Variants in FN3K observed in about 807,000 individuals in gnomAD.
The protein encoded by FN3K is fructosamine 3 kinase, also known as fructosamine-3-kinase.
Under a neutral mutation model 24.8 loss-of-function variants are expected in FN3K, and 24 were observed. The ratio of observed to expected loss-of-function variants is 0.97; its 90% confidence interval spans 0.70 to 1.36. The LOEUF is 1.36. Among genes scored for constraint, FN3K ranks in the 40% most tolerant of loss-of-function variants. The pLI, the probability that FN3K is intolerant of heterozygous loss-of-function variation, is 0.00. For missense variants in FN3K, 449 were observed against 416.7 expected, an observed-to-expected ratio of 1.08 and a Z score of -0.67; for synonymous variants, 192 against 175.2, an observed-to-expected ratio of 1.10 and a Z score of -0.76.
chr17:82,745,948 A>G (rs1026855198), intron 4 of FN3K, among the ~76,000 whole-genome samples: 33 of 151,832 alleles, frequency 2.2e-4, no homozygotes, highest in African/African-American at 7.7e-4. Flanking sequence ...CAAAAAATTA[A>G]CAGGGCATGG....
Position 82,735,760 on chromosome 17 carries a change from G to C in FN3K, c.124G>C (p.Val42Leu). The change falls in exon 1 of 6, where the codon GTC becomes CTC. Residue 42 changes from valine (V) to leucine (L), a missense_variant. Transcript: ENST00000300784. ...GGACGCAGGCCCAGTGTTCGTCAAA[G>C]TCAACCGCAGGACGCAGGTGCTGGC... The part of the protein sequence containing the change: ...DTDAGPVFVK[V>L]NRRTQARQMF... 1 of 1,564,266 alleles carries C rather than the reference G, an allele frequency of 6.4e-7. No individual in the cohort carries two copies. The highest frequency in any genetic ancestry group is 8.6e-7 in the Non-Finnish European group (1 of 1,156,408).
At chr17:82,741,736 C>T (rs2046942108) in intron 4 of FN3K, among the ~76,000 whole-genome samples, 1 of 152,170 alleles carries the variant, frequency 6.6e-6, no homozygotes, top group Non-Finnish European at 1.5e-5. Context: ...GCTGATTACT[C>T]AGCTCCTCTC....
chr17:82,738,772 C>T (rs931094555), intron 2 of FN3K, 132 bp downstream of exon 2: 15 of 1,152,902 alleles, frequency 1.3e-5, no homozygotes, highest in Middle Eastern at 2.5e-4. Flanking sequence ...GTGGCTGAGC[C>T]GTCCACACAA....
chr17:82,750,813 C>A lies in FN3K; in HGVS notation c.*58C>A. 1 of 1,340,166 alleles carries A rather than the reference C, an allele frequency of 7.5e-7. No homozygotes were observed. The highest frequency in any genetic ancestry group is 1.0e-6 in the Non-Finnish European group (1 of 992,912). The allele number at this position is 1,340,166 out of a possible 1,614,324, so 83.0% of individuals were successfully genotyped here. A position where few individuals can be genotyped will look rare whatever the true frequency, so the allele number is the denominator to read the frequency against. ...CCCGTCTCCGTCTCCCCGTCCCTGT[C>A]CCCCCGTCCCCCGTCCCTGTGCCCC... On this transcript the variant is annotated 3_prime_UTR_variant, in exon 6 of 6. Transcript: ENST00000300784.
rs566307037 is a variant in FN3K at position 82,747,525 on chromosome 17, C to T, written c.469-1330C>T. ...AAGAGATTCTCCTGCCTCAGCCTCCCGAGTAGCTGGGACTACAGGCATGCA... is the reference window on the plus strand; with the variant it reads ...AAGAGATTCTCCTGCCTCAGCCTCCTGAGTAGCTGGGACTACAGGCATGCA... On this transcript the variant is annotated intron_variant, in intron 4 of 5. Transcript: ENST00000300784. Among the ~76,000 whole-genome samples the T allele has an allele frequency of 6.1e-4, 93 of 152,232 alleles. 1 individual carries two copies. The highest frequency in any genetic ancestry group is 5.8e-4 in the African/African-American group (24 of 41,530).
At position 82,750,358 on chromosome 17, in the gene FN3K, G is replaced by T. The variant is rs1440764396; in HGVS notation, c.592-59G>T. 4.8e-6 allele frequency: 7 copies of T among 1,448,994 alleles called. No individual in the cohort carries two copies. In the East Asian group the frequency reaches 1.1e-4, roughly 24 times the overall value. The allele number at this position is 1,448,994 out of a possible 1,614,324, so 89.8% of individuals were successfully genotyped here. Reference sequence around the variant, plus strand: ...TGGGCTTTGCCTTATTTCCAAGAACGAGGTGATGAGACCGGGGCTCCCAGA... The same window carrying T: ...TGGGCTTTGCCTTATTTCCAAGAACTAGGTGATGAGACCGGGGCTCCCAGA... On this transcript the variant is annotated intron_variant, in intron 5 of 5. Coordinates refer to ENST00000300784, the MANE Select transcript of FN3K (RefSeq NM_022158.4).
rs563725346 is a variant in FN3K, at chr17:82,736,921, C to T, written c.141+1144C>T. 2.0e-5 allele frequency among the ~76,000 whole-genome samples: 3 copies of T among 152,176 alleles called. No homozygotes were observed. In the South Asian group the frequency reaches 6.2e-4, roughly 32 times the overall value. On this transcript the variant is annotated intron_variant, in intron 1 of 5. Transcript: ENST00000300784. ...GCTCTGCAGGGTGAGACCCCTCCTT[C>T]CCTCCCACCCCCACGAGGGGCCGGC...
chr17:82,750,779 G>GTCCCCGTCCCCGTCTCCGTC lies in FN3K; in HGVS notation c.*35_*54dup. 5.1e-6 allele frequency: 8 copies of GTCCCCGTCCCCGTCTCCGTC among 1,568,970 alleles called. No homozygotes were observed. The Admixed American group carries it at 5.1e-5, about 10-fold the overall frequency. On this transcript the variant is annotated 3_prime_UTR_variant, in exon 6 of 6. Transcript: ENST00000300784. ...AGCGGCCCCTGCCCTCCCTTCCCCT[G>GTCCCCGTCCCCGTCTCCGTC]TCCCCGTCCCCGTCTCCGTCTCCCC...
intron 2 of FN3K, among the ~76,000 whole-genome samples, chr17:82,740,420 C>CAAAAAAAAAA (rs71369031): frequency 1.4e-5 from 1 of 73,120 alleles, no homozygotes; most frequent in Non-Finnish European, 2.5e-5. Flanking sequence ...CCCATCTCTA[C>CAAAAAAAAAA]AAAAAAAAAA....
chr17:82,736,119 A>G (rs970448231), intron 1 of FN3K: 1 of 280,584 alleles, frequency 3.6e-6, no homozygotes, highest in Non-Finnish European at 6.8e-6. Context: ...AGTGGGAAAG[A>G]AGCAGAGACA....
At chr17:82,747,045 G>A (rs921906015) in intron 4 of FN3K, among the ~76,000 whole-genome samples, 2 of 151,848 alleles carry the variant, frequency 1.3e-5, no homozygotes, top group East Asian at 2.0e-4. Flanking sequence ...GGATGGTCTC[G>A]AACTCCTGAT....
chr17:82,736,138 C>T, intron 1 of FN3K: 1 of 261,456 alleles, frequency 3.8e-6, no homozygotes, highest in Non-Finnish European at 7.4e-6. Context: ...CATGGCTGGG[C>T]CCCTGGCAGG....
At chr17:82,745,981 C>G (rs866774739) in intron 4 of FN3K, among the ~76,000 whole-genome samples, 3 of 150,906 alleles carry the variant, frequency 2.0e-5, no homozygotes, top group Non-Finnish European at 4.4e-5. Flanking sequence ...GTAGTCCCAG[C>G]TACTTGGGAG....
chr17:82,744,838 C>G (rs1336518713), intron 4 of FN3K, among the ~76,000 whole-genome samples: 2 of 152,178 alleles, frequency 1.3e-5, no homozygotes, highest in African/African-American at 4.8e-5. Flanking sequence ...AAGTGCTGTG[C>G]TTTTAGATAT....
intron 2 of FN3K, among the ~76,000 whole-genome samples, chr17:82,739,415 A>T (rs2046927601): frequency 6.7e-6 from 1 of 149,984 alleles, no homozygotes; most frequent in Admixed American, 6.6e-5. Flanking sequence ...CAGCCTCGCG[A>T]GTGGCTGGGA....
At chr17:82,736,055 T>A (rs543593341) in intron 1 of FN3K, 1 of 420,456 alleles carries the variant, frequency 2.4e-6, no homozygotes, top group East Asian at 5.1e-5. Context: ...ATGTGAGGCT[T>A]GGGGTCCTTG....
intron 2 of FN3K, 42 bp from the exon 3 acceptor site, chr17:82,740,721 A>C: frequency 1.4e-6 from 2 of 1,380,120 alleles, no homozygotes. Flanking sequence ...GGTGTTATTT[A>C]TTATTTGTTA....
In FN3K at chr17:82,738,513, G is replaced by T; in HGVS notation, c.166G>T (p.Val56Leu). The T allele has an allele frequency of 1.2e-6, 2 of 1,611,846 alleles. No homozygotes were observed. Among genetic ancestry groups the T allele is most frequent in the Admixed American group, 3.3e-5 (2 of 59,960 alleles). ...TQARQMFEGE[V>L]ASLEALRSTG... is the part of the protein sequence containing the mutation. The stretch of plus-strand genomic sequence containing the variant: ...GGCCCGGCAGATGTTTGAGGGGGAG[G>T]TGGCCAGCCTGGAGGCCCTCAGGAG... Residue 56 changes from valine (V) to leucine (L), a missense_variant, in exon 2 of 6, where the codon GTG becomes TTG. Val to Leu is a conservative substitution (Grantham distance 32). Transcript: ENST00000300784.
At chr17:82,736,409 G>C (rs1426424818) in intron 1 of FN3K, 5 of 152,422 alleles carry the variant, frequency 3.3e-5, no homozygotes, top group Non-Finnish European at 7.3e-5. Context: ...GGTGCCACTG[G>C]CCTGTAATCC....
Sources: allele counts gnomAD v4.1 joint callset (sites outside exome capture counted in the v4.1 genomes callset), GRCh38; gene constraint gnomAD v4.1.1; transcripts MANE v1.5; gene names NCBI Gene and HGNC (gene_info 2026-07-23, HGNC 2026-07-21).